Variants in ACADL observed in about 807,000 individuals in gnomAD.
ACADL encodes the protein long-chain specific acyl-CoA dehydrogenase, mitochondrial.
Under a neutral mutation model 56.9 loss-of-function variants are expected in ACADL, and 60 were observed. The ratio of observed to expected loss-of-function variants is 1.05; its 90% CI spans 0.86 to 1.31. ACADL has a LOEUF of 1.31. Among genes scored for constraint, ACADL ranks in the 50% most tolerant of loss-of-function variants. ACADL has a pLI of 0.00. For synonymous variants in ACADL, 158 were observed against 179.7 expected, an observed-to-expected ratio of 0.88 and a Z score of 0.97; for missense variants, 484 against 525.5, an observed-to-expected ratio of 0.92 and a Z score of 0.77.
At chr2:210,217,655 C>G (rs1689108257) in intron 3 of ACADL, 1 of 244,572 alleles carries the variant, frequency 4.1e-6, no homozygotes, top group Non-Finnish European at 7.9e-6. Context: ...TATATTTCTA[C>G]TCTGCTGTTC....
intron 10 of ACADL, among the ~76,000 whole-genome samples, chr2:210,192,360 G>A (rs746932882): frequency 6.6e-6 from 1 of 151,940 alleles, no homozygotes; most frequent in Non-Finnish European, 1.5e-5. Context: ...GTCATGGCAC[G>A]CACCTGTTAA....
chr2:210,201,754 T>C (rs1166909542), intron 8 of ACADL, among the ~76,000 whole-genome samples: 1 of 152,190 alleles, frequency 6.6e-6, no homozygotes, highest in Non-Finnish European at 1.5e-5. Flanking sequence ...GAAGGAATTA[T>C]AAACTATTCC....
intron 10 of ACADL, among the ~76,000 whole-genome samples, chr2:210,191,492 A>G (rs1265048933): frequency 6.6e-6 from 1 of 152,096 alleles, no homozygotes; most frequent in Non-Finnish European, 1.5e-5. Context: ...CCTTCTCCCC[A>G]CCTAATAGGC....
chr2:210,219,329 TG>T (rs1689139084), intron 2 of ACADL, among the ~76,000 whole-genome samples: 2 of 152,160 alleles, frequency 1.3e-5, no homozygotes, highest in Admixed American at 1.3e-4. Flanking sequence ...CCCGATGTGG[TG>T]GTTCACACCT....
Position 210,225,272 on chromosome 2 carries a change from C to T in ACADL, c.-9G>A. On this transcript the variant is annotated 5_prime_UTR_variant, in exon 1 of 11. Transcript: ENST00000233710. ...AGAAGGCGTGCGGCCATGTCCGAAA[C>T]ACAGGGGCGGCGGGGCGACGGAGGC... 1 of 1,553,620 alleles carries T rather than the reference C, an allele frequency of 6.4e-7. No homozygotes were observed. The highest frequency in any genetic ancestry group is 8.7e-7 in the Non-Finnish European group (1 of 1,155,616).
intron 1 of ACADL, among the ~76,000 whole-genome samples, chr2:210,221,782 G>A (rs553862019): frequency 1.2e-3 from 173 of 146,722 alleles, no homozygotes; most frequent in African/African-American, 4.2e-3. Context: ...AGGCTGGAAT[G>A]CAGTGATGCA....
chr2:210,219,397 A>G (rs918831365), intron 2 of ACADL, among the ~76,000 whole-genome samples: 3 of 152,122 alleles, frequency 2.0e-5, no homozygotes, highest in African/African-American at 7.2e-5. Context: ...CCAGAAGTTC[A>G]AGGCTGCAGT....
Position 210,213,581 on chromosome 2 carries a change from T to A in ACADL, c.536+2766A>T, listed in dbSNP as rs541687527. On this transcript the variant is annotated intron_variant, in intron 4 of 10. Transcript: ENST00000233710. ...GCTCAGTTTGTAAATTTTTCCTAAA[T>A]TTTTGAATGTTATATATGAAATATT... 9.2e-5 allele frequency among the ~76,000 whole-genome samples: 14 copies of A among 152,266 alleles called. No homozygotes were observed. The East Asian group carries it at 9.6e-4, about 10-fold the overall frequency.
At chr2:210,209,031 C>G (rs1239382531) in intron 5 of ACADL, among the ~76,000 whole-genome samples, 1 of 152,192 alleles carries the variant, frequency 6.6e-6, no homozygotes, top group Non-Finnish European at 1.5e-5. Flanking sequence ...ACTCCCCTTT[C>G]AAAACAAGCC....
intron 8 of ACADL, among the ~76,000 whole-genome samples, chr2:210,200,077 G>A (rs1386358276): frequency 6.6e-6 from 1 of 152,058 alleles, no homozygotes; most frequent in African/African-American, 2.4e-5. Flanking sequence ...CATTTTTGAT[G>A]TTTAAGTGGT....
chr2:210,220,567 A>G (rs1689158339), intron 2 of ACADL, 80 bp downstream of exon 2: 1 of 1,312,822 alleles, frequency 7.6e-7, no homozygotes, highest in Non-Finnish European at 1.1e-6. Context: ...TGTTTTCTGT[A>G]TAGCAATATA....
intron 7 of ACADL, 135 bp downstream of exon 7, chr2:210,204,446 T>C (rs1559636547): frequency 1.5e-6 from 1 of 684,918 alleles, no homozygotes; most frequent in African/African-American, 1.8e-5. Flanking sequence ...ACAACTTTAA[T>C]ACTCAAATGA....
At chr2:210,210,059 G>A in intron 5 of ACADL, 137 bp downstream of exon 5, 1 of 721,792 alleles carries the variant, frequency 1.4e-6, no homozygotes, top group Non-Finnish European at 2.5e-6. Flanking sequence ...TAAATTTACT[G>A]TCTCCAAAAC....
rs908468681 is a variant in ACADL, at chr2:210,217,861, A to G, written c.371+104T>C. On this transcript the variant is annotated intron_variant, in intron 3 of 10. Transcript: ENST00000233710. ...TTTACACTGAATTTTCAATCTTCCA[A>G]GATTAGAAAACATTTGTTTGTTTGT... 2.0e-6 allele frequency: 3 copies of G among 1,464,372 alleles called. No homozygotes were observed. The Admixed American group carries it at 5.1e-5, about 25-fold the overall frequency. 90.7% of individuals were successfully genotyped at this position (1,464,372 alleles called of 1,614,324 possible).
chr2:210,199,227 AT>A (rs1439518033), intron 8 of ACADL, among the ~76,000 whole-genome samples: 1 of 152,132 alleles, frequency 6.6e-6, no homozygotes, highest in Non-Finnish European at 1.5e-5. Flanking sequence ...AAATATGAAA[AT>A]ATTATTCAAA....
Position 210,218,055 on chromosome 2 carries a change from C to T in ACADL, c.281G>A (p.Gly94Glu), listed in dbSNP as rs1033124874. The change falls in exon 3 of 11, where the codon GGA (glycine) becomes GAA (glutamate). Residue 94 changes from glycine to glutamate, a missense_variant. By Grantham distance (98) the Gly-to-Glu change is moderately conservative. Coordinates refer to ENST00000233710, the MANE Select transcript of ACADL (RefSeq NM_001608.4). ...EVSREVWEKA[G>E]KQGLLGVNIA... ...ATTGACACCAAGCAGTCCTTGTTTT[C>T]CAGCTTTTTCCCAAACCTCCCTACT... 1 of 1,613,956 alleles carries T rather than the reference C, an allele frequency of 6.2e-7. No homozygotes were observed. The highest frequency in any genetic ancestry group is 8.5e-7 in the Non-Finnish European group (1 of 1,179,962).
At chr2:210,224,421 T>C (rs1300114350) in intron 1 of ACADL, 1 of 985,128 alleles carries the variant, frequency 1.0e-6, no homozygotes, top group African/African-American at 1.7e-5. Flanking sequence ...ATTCGCAAAT[T>C]TGCCAGTTCC....
intron 4 of ACADL, among the ~76,000 whole-genome samples, chr2:210,215,989 A>C (rs557500815): frequency 6.6e-6 from 1 of 152,244 alleles, no homozygotes; most frequent in African/African-American, 2.4e-5. Flanking sequence ...AACTCTTATA[A>C]ATGAAAGACT....
At chr2:210,214,888 C>G (rs1306830239) in intron 4 of ACADL, among the ~76,000 whole-genome samples, 3 of 152,118 alleles carry the variant, frequency 2.0e-5, no homozygotes, top group Non-Finnish European at 4.4e-5. Context: ...AACCTTTAAT[C>G]TTTGACAAAA....
Sources: allele counts gnomAD v4.1 joint callset (sites outside exome capture counted in the v4.1 genomes callset), GRCh38; gene constraint gnomAD v4.1.1; transcripts MANE v1.5; gene names NCBI Gene and HGNC (gene_info 2026-07-23, HGNC 2026-07-21).